Variants in MAGI2 observed in about 807,000 individuals in gnomAD.
The protein encoded by MAGI2 is membrane associated guanylate kinase, WW and PDZ domain containing 2, also known as membrane-associated guanylate kinase, WW and PDZ domain-containing protein 2.
A neutral mutation model predicts 133.3 loss-of-function variants in MAGI2; 35 were observed. That is an observed-to-expected ratio of 0.26 (90% confidence interval 0.20 to 0.35). MAGI2 has a LOEUF of 0.35. MAGI2 is among the 10% of genes least tolerant of loss of function. MAGI2 has a pLI of 1.00. For synonymous variants in MAGI2, 729 were observed against 710.6 expected, an observed-to-expected ratio of 1.03 and a Z score of -0.41; for missense variants, 1,636 against 1,863.4, an observed-to-expected ratio of 0.88 and a Z score of 2.25.
chr7:78,146,349 C>A (rs1319130185), intron 16 of MAGI2, among the ~76,000 whole-genome samples: 1 of 151,126 alleles, frequency 6.6e-6, no homozygotes, highest in African/African-American at 2.4e-5. Context: ...AAATGAGACC[C>A]CAAGTAGTTA....
At chr7:78,732,939 A>C (rs1038634288) in intron 2 of MAGI2, among the ~76,000 whole-genome samples, 1 of 152,192 alleles carries the variant, frequency 6.6e-6, no homozygotes, top group South Asian at 2.1e-4. Context: ...AGAGCTTTGC[A>C]AAGTTGATGT....
At chr7:78,583,324 C>A in intron 3 of MAGI2, 1 of 162,522 alleles carries the variant, frequency 6.2e-6, no homozygotes, top group South Asian at 1.2e-4. Context: ...TGGTGAAACA[C>A]CGTCTCTACT....
intron 2 of MAGI2, among the ~76,000 whole-genome samples, chr7:78,964,425 A>G (rs1013515470): frequency 6.6e-6 from 1 of 152,046 alleles, no homozygotes; most frequent in African/African-American, 2.4e-5. Context: ...TCAAACCACT[A>G]ACTCGTGGTT....
chr7:78,393,405 C>T (rs1276577775), intron 6 of MAGI2, among the ~76,000 whole-genome samples: 7 of 152,184 alleles, frequency 4.6e-5, no homozygotes, highest in Admixed American at 4.6e-4. Flanking sequence ...GGCAGTTTGG[C>T]CAGAGACAGC....
intron 2 of MAGI2, among the ~76,000 whole-genome samples, chr7:78,876,573 G>A (rs535385275): frequency 1.7e-4 from 26 of 152,136 alleles, no homozygotes; most frequent in African/African-American, 5.5e-4. Context: ...ACCACCAAAA[G>A]GAAGGAGGGA....
At chr7:78,900,187 G>A (rs1250634174) in intron 2 of MAGI2, among the ~76,000 whole-genome samples, 1 of 152,064 alleles carries the variant, frequency 6.6e-6, no homozygotes, top group Non-Finnish European at 1.5e-5. Flanking sequence ...TATCAAGATG[G>A]ACCCTTACTC....
At chr7:79,328,624 C>T (rs73156018) in intron 1 of MAGI2, among the ~76,000 whole-genome samples, 8,452 of 152,166 alleles carry the variant, frequency 0.056, 458 homozygotes, top group East Asian at 0.22. Flanking sequence ...TGCATGCAAG[C>T]CCCTACTGCA....
At chr7:79,227,119 A>G (rs1830927931) in intron 1 of MAGI2, among the ~76,000 whole-genome samples, 1 of 152,186 alleles carries the variant, frequency 6.6e-6, no homozygotes, top group African/African-American at 2.4e-5. Context: ...GCTGGCTGCT[A>G]ACAAAACCAC....
chr7:78,276,572 A>AT (rs1386463703), intron 9 of MAGI2, among the ~76,000 whole-genome samples: 3 of 151,710 alleles, frequency 2.0e-5, no homozygotes, highest in Admixed American at 6.6e-5. Context: ...CTCTTTACTA[A>AT]TTTTTTTTAA....
At chr7:78,591,985 G>A (rs761146430) in intron 3 of MAGI2, among the ~76,000 whole-genome samples, 1 of 152,188 alleles carries the variant, frequency 6.6e-6, no homozygotes, top group Non-Finnish European at 1.5e-5. Flanking sequence ...AAAGAGTTGT[G>A]TGATAAGAAC....
At chr7:78,826,412 G>A (rs1315230680) in intron 2 of MAGI2, among the ~76,000 whole-genome samples, 1 of 148,324 alleles carries the variant, frequency 6.7e-6, no homozygotes, top group Non-Finnish European at 1.5e-5. Context: ...GTGTAACAAA[G>A]CTACATACTG....
At chr7:78,919,696 A>G (rs986759191) in intron 2 of MAGI2, among the ~76,000 whole-genome samples, 3 of 152,130 alleles carry the variant, frequency 2.0e-5, no homozygotes, top group Non-Finnish European at 2.9e-5. Flanking sequence ...AATGCTATCA[A>G]AATTACTAGG....
chr7:78,402,495 T>C (rs995155410), intron 6 of MAGI2, among the ~76,000 whole-genome samples: 1 of 152,192 alleles, frequency 6.6e-6, no homozygotes, highest in Non-Finnish European at 1.5e-5. Context: ...GTCAGTCCCA[T>C]TCTTTCCTCC....
chr7:78,904,892 C>G (rs529693173), intron 2 of MAGI2, among the ~76,000 whole-genome samples: 32 of 152,288 alleles, frequency 2.1e-4, no homozygotes, highest in African/African-American at 7.7e-4. Context: ...GTCTTCAGTT[C>G]GATGGCACAA....
At chr7:79,315,303 C>T (rs1410709803) in intron 1 of MAGI2, among the ~76,000 whole-genome samples, 1 of 150,092 alleles carries the variant, frequency 6.7e-6, no homozygotes, top group African/African-American at 2.5e-5. Flanking sequence ...GGATTACAGG[C>T]ATGTGCAACC....
chr7:78,599,794 C>T (rs936826363), intron 3 of MAGI2, among the ~76,000 whole-genome samples: 2 of 152,102 alleles, frequency 1.3e-5, no homozygotes, highest in Non-Finnish European at 2.9e-5. Context: ...GGGACGTGCC[C>T]AGAATGGTCA....
chr7:79,034,925 T>C (rs1200263711), intron 1 of MAGI2, among the ~76,000 whole-genome samples: 3 of 152,196 alleles, frequency 2.0e-5, no homozygotes, highest in Non-Finnish European at 4.4e-5. Context: ...TAATAACGAA[T>C]TAGGGCTTTG....
intron 3 of MAGI2, among the ~76,000 whole-genome samples, chr7:78,601,193 G>A (rs1212548838): frequency 6.6e-6 from 1 of 151,966 alleles, no homozygotes; most frequent in Non-Finnish European, 1.5e-5. Context: ...CCTTCTATGT[G>A]CCACACACTA....
At chr7:78,667,929 T>C (rs1813831465) in intron 2 of MAGI2, among the ~76,000 whole-genome samples, 2 of 152,304 alleles carry the variant, frequency 1.3e-5, no homozygotes, top group South Asian at 2.1e-4. Context: ...CTGGGTCAAA[T>C]GGTATTTCTA....
Sources: allele counts gnomAD v4.1 joint callset (sites outside exome capture counted in the v4.1 genomes callset), GRCh38; gene constraint gnomAD v4.1.1; transcripts MANE v1.5; gene names NCBI Gene and HGNC (gene_info 2026-07-23, HGNC 2026-07-21).